DGKH: variants seen among roughly 807,000 people sequenced by gnomAD.
DGKH encodes DAG kinase eta.
A neutral mutation model predicts 159.3 loss-of-function variants in DGKH; 90 were observed. The ratio of observed to expected loss-of-function variants is 0.57; its 90% CI spans 0.48 to 0.67. The LOEUF is 0.67. Ranked by LOEUF, DGKH falls within the 30% of genes least tolerant of loss-of-function variation. The pLI is 0.00. For missense variants in DGKH, 1,181 were observed against 1,506.1 expected (o/e 0.78, Z 3.57); for synonymous variants, 536 against 553.8 (o/e 0.97, Z 0.45).
In DGKH at chr13:42,167,881, GAAGT is replaced by G. The variant is rs1956349447; in HGVS notation, c.1119-554_1119-551del. On this transcript the variant is annotated intron_variant, in intron 9 of 29. Transcript: ENST00000337343. ...ATTTTTCAGATTTTCCATAATACTT[GAAGT>G]AAGTGTACAAGGGTACATTTAGGAG... 4.6e-5 allele frequency among the ~76,000 whole-genome samples: 7 copies of G among 152,136 alleles called. No individual in the cohort carries two copies. The South Asian group carries it at 1.5e-3, about 32-fold the overall frequency.
chr13:42,240,598 G>C lies in DGKH; in HGVS notation c.*11410G>C, dbSNP rs1958497020. ...AATTTTTAAATAATATTCAGCTGGG[G>C]GGAAATAGACTGAGTTTGTGTGATT... On this transcript the variant is annotated 3_prime_UTR_variant, in exon 30 of 30. Transcript: ENST00000337343. 2.0e-5 allele frequency: 3 copies of C among 152,064 alleles called. No individual in the cohort carries two copies. The highest frequency in any genetic ancestry group is 2.0e-4 in the Admixed American group (3 of 15,282). 9.4% of individuals were successfully genotyped at this position (152,064 alleles called of 1,614,324 possible).
At position 42,165,451 on chromosome 13, in the gene DGKH, A is replaced by G; in HGVS notation, c.958+18A>G. 1 of 1,366,398 alleles carries G rather than the reference A, an allele frequency of 7.3e-7. No individual in the cohort carries two copies. Among genetic ancestry groups the G allele is most frequent in the Non-Finnish European group, 1.0e-6 (1 of 1,000,476 alleles). 84.6% of individuals were successfully genotyped at this position (1,366,398 alleles called of 1,614,324 possible). ...TTCCGATGGTATGTAGCAGTAGTGT[A>G]AGTACGTATATTTCTGGTATATTTA... is the stretch of plus-strand genomic sequence containing the variant. On this transcript the variant is annotated intron_variant, in intron 8 of 29. Transcript: ENST00000337343.
At chr13:42,065,748 G>A (rs1308406423) in intron 1 of DGKH, among the ~76,000 whole-genome samples, 2 of 152,248 alleles carry the variant, frequency 1.3e-5, no homozygotes, top group East Asian at 3.9e-4. Context: ...GGTCCCATCG[G>A]AGTAAGTAAG....
At chr13:42,040,585 G>A (rs1407606694) in intron 1 of DGKH, among the ~76,000 whole-genome samples, 3 of 151,830 alleles carry the variant, frequency 2.0e-5, no homozygotes, top group South Asian at 2.1e-4. Flanking sequence ...TTCTGCGCCC[G>A]TGGGAGGCTG....
At chr13:42,078,395 T>C (rs1018369651) in intron 1 of DGKH, among the ~76,000 whole-genome samples, 5 of 152,212 alleles carry the variant, frequency 3.3e-5, no homozygotes, top group African/African-American at 9.7e-5. Context: ...GGTGACTAGA[T>C]GCCGGAATAT....
intron 21 of DGKH, among the ~76,000 whole-genome samples, chr13:42,207,057 CCTTCCTTCTTT>C (rs1251212409): frequency 1.2e-4 from 6 of 51,270 alleles, no homozygotes; most frequent in African/African-American, 4.2e-4. Flanking sequence ...TTCCTTCTTT[CCTTCCTTCTTT>C]CTTTCTTTCT....
At chr13:42,086,709 G>C (rs669642) in intron 1 of DGKH, among the ~76,000 whole-genome samples, 127,182 of 152,190 alleles carry the variant, frequency 0.84, 53,617 homozygotes, top group African/African-American at 0.91. Context: ...CCACAGGCAG[G>C]ACATGACAGT....
Position 42,147,358 on chromosome 13 carries a change from T to G in DGKH, c.385-7933T>G, listed in dbSNP as rs543242266. ...ATTAAAATGGCTTAAAGTACTTTTT[T>G]GCTATCATTTTCATAGTTCTTTTGA... On this transcript the variant is annotated intron_variant, in intron 3 of 29. Transcript: ENST00000337343. Among the ~76,000 whole-genome samples, 10 of 152,312 alleles carry G rather than the reference T, an allele frequency of 6.6e-5. 1 individual carries two copies. The highest frequency in any genetic ancestry group is 2.4e-4 in the African/African-American group (10 of 41,572).
intron 13 of DGKH, among the ~76,000 whole-genome samples, chr13:42,182,676 A>AT (rs201715208): frequency 2.0e-5 from 3 of 152,072 alleles, no homozygotes; most frequent in African/African-American, 7.3e-5. Context: ...ATGTTTTCAG[A>AT]CCATGGTTGG....
At chr13:42,096,878 G>A (rs138439331) in intron 1 of DGKH, among the ~76,000 whole-genome samples, 13 of 152,290 alleles carry the variant, frequency 8.5e-5, no homozygotes, top group Admixed American at 1.3e-4. Flanking sequence ...TCCTGCACAC[G>A]TGGGTTTCCG....
intron 1 of DGKH, among the ~76,000 whole-genome samples, chr13:42,090,599 T>G (rs925828490): frequency 1.3e-5 from 2 of 152,158 alleles, no homozygotes; most frequent in Non-Finnish European, 2.9e-5. Context: ...CATACACATA[T>G]GGTCTAATGA....
chr13:42,175,445 T>A lies in DGKH; in HGVS notation c.1452+1301T>A, dbSNP rs543565679. ...TGATTCCATAAACATAACACATTTT[T>A]ATGGAAATCAGTCCTTTATCTTAAC... On this transcript the variant is annotated intron_variant, in intron 12 of 29. Transcript: ENST00000337343. Among the ~76,000 whole-genome samples the A allele has an allele frequency of 4.6e-5, 7 of 152,336 alleles. No homozygotes were observed. In the East Asian group the frequency reaches 1.3e-3, roughly 29 times the overall value.
At chr13:42,151,544 T>TACACGTGTATATATATATAC (rs1566134639) in intron 3 of DGKH, among the ~76,000 whole-genome samples, 5 of 110,816 alleles carry the variant, frequency 4.5e-5, no homozygotes, top group South Asian at 4.2e-4. Flanking sequence ...TATATATATA[T>TACACGTGTATATATATATAC]ACACGTGTAT....
chr13:42,073,760 T>C (rs1027864395), intron 1 of DGKH, among the ~76,000 whole-genome samples: 1 of 152,174 alleles, frequency 6.6e-6, no homozygotes, highest in Non-Finnish European at 1.5e-5. Context: ...CATGCAAATA[T>C]ATATGGTAAT....
At chr13:42,197,951 ATTC>A (rs1228373156) in intron 17 of DGKH, among the ~76,000 whole-genome samples, 4 of 152,320 alleles carry the variant, frequency 2.6e-5, no homozygotes, top group East Asian at 3.8e-4. Context: ...TTAATACTAT[ATTC>A]TTCTAAAATT....
At chr13:42,166,444 C>A in intron 8 of DGKH, 71 bp from the exon 9 acceptor site, 2 of 1,291,358 alleles carry the variant, frequency 1.5e-6, no homozygotes, top group South Asian at 4.8e-5. Context: ...ATTTTCTTTT[C>A]TCTGAATGTT....
rs113304288 is a variant in DGKH, at chr13:42,167,020, T to C, written c.1118+346T>C. ...CATGGAAGGCTGATATTGATTTACA[T>C]ACAATATAAATAATCGATTATTAAA... On this transcript the variant is annotated intron_variant, in intron 9 of 29. Coordinates refer to ENST00000337343, the MANE Select transcript of DGKH (RefSeq NM_178009.5). 6.5e-3 allele frequency among the ~76,000 whole-genome samples: 986 copies of C among 152,264 alleles called. 12 individuals are homozygous for C. Among genetic ancestry groups the C allele is most frequent in the African/African-American group, 0.023 (944 of 41,552 alleles).
intron 1 of DGKH, among the ~76,000 whole-genome samples, chr13:42,093,160 C>T (rs551897404): frequency 2.0e-4 from 30 of 151,836 alleles, no homozygotes; most frequent in African/African-American, 7.2e-4. Context: ...GGGAGGATTA[C>T]CTGAGCCCGG....
rs368934786 is a variant in DGKH, at chr13:42,094,855, C to A, written c.193-32608C>A. On this transcript the variant is annotated intron_variant, in intron 1 of 29. Coordinates refer to ENST00000337343, the MANE Select transcript of DGKH (RefSeq NM_178009.5). ...ATTGCTACCACTCACTTATTTCCTG[C>A]CAGATTTTTAGCAATTGTGTTTGAA... Among the ~76,000 whole-genome samples the A allele has an allele frequency of 5.9e-5, 9 of 152,244 alleles. No homozygotes were observed. The East Asian group carries it at 1.7e-3, about 29-fold the overall frequency.
Sources: gnomAD v4.1 joint callset for allele counts (sites outside exome capture counted in the v4.1 genomes callset) on GRCh38, gnomAD v4.1.1 for gene constraint, MANE v1.5 for transcripts, NCBI Gene and HGNC (gene_info 2026-07-23, HGNC 2026-07-21) for gene names.